The following ADAM10 variants were observed in gnomAD, a reference collection of about 807,000 sequenced individuals.
ADAM10 encodes the protein ADAM metallopeptidase domain 10, also known as disintegrin and metalloproteinase domain-containing protein 10.
A neutral mutation model predicts 90.1 loss-of-function variants in ADAM10; 17 were observed. The observed-to-expected ratio is 0.19, with a 90% CI of 0.13 to 0.28. The LOEUF is 0.28. ADAM10 is among the 10% of genes least tolerant of loss of function. ADAM10 has a pLI of 1.00. For synonymous variants in ADAM10, 310 were observed against 298.6 expected (o/e 1.04, Z -0.40); for missense variants, 610 against 914.3 (o/e 0.67, Z 4.29).
In ADAM10 at chr15:58,611,978, G is replaced by C; in HGVS notation, c.1525C>G (p.Pro509Ala). The C allele has an allele frequency of 1.2e-6, 2 of 1,614,044 alleles. No homozygotes were observed. Among genetic ancestry groups the C allele is most frequent in the Non-Finnish European group, 1.7e-6 (2 of 1,179,984 alleles). ...PGKQCSPSQGPCCTAQCAFKS... is the reference protein window; with the variant it reads ...PGKQCSPSQGACCTAQCAFKS... The stretch of plus-strand genomic sequence containing the variant: ...AATGCACACTGTGCTGTACAACAAG[G>C]ACCTTGACTTGGACTAGAGGAAACA... The change falls in exon 12 of 16, where the codon CCT (proline) becomes GCT (alanine). Residue 509 changes from proline to alanine, a missense_variant. Physicochemically the swap from Pro to Ala is conservative, Grantham distance 27. This residue lies in a region of ADAM10 where 53 missense variants were observed against 62.0 expected (regional missense o/e 0.85). Transcript: ENST00000260408.
chr15:58,733,210 G>GAGAAGTTGTGAC (rs1390249247), intron 1 of ADAM10: 2 of 152,242 alleles, frequency 1.3e-5, no homozygotes, highest in Non-Finnish European at 2.9e-5. Context: ...AGCTGACAGT[G>GAGAAGTTGTGAC]ACCTCTGAAT....
chr15:58,735,615 T>C (rs1467820901), intron 1 of ADAM10, among the ~76,000 whole-genome samples: 1 of 152,178 alleles, frequency 6.6e-6, no homozygotes, highest in South Asian at 2.1e-4. Flanking sequence ...TACTGTGTTG[T>C]GTAGGGAATA....
chr15:58,702,196 A>G lies in ADAM10; in HGVS notation c.206+15381T>C, dbSNP rs551492120. 5.9e-5 allele frequency among the ~76,000 whole-genome samples: 9 copies of G among 152,336 alleles called. No individual in the cohort carries two copies. The East Asian group carries it at 1.5e-3, about 26-fold the overall frequency. ...ATGTTGAGTGAACTAAGCCAAGCACAAAAAGACAAACATCCCATGTTCTCA... is the reference window on the plus strand; with the variant it reads ...ATGTTGAGTGAACTAAGCCAAGCACGAAAAGACAAACATCCCATGTTCTCA... On this transcript the variant is annotated intron_variant, in intron 2 of 15. Transcript: ENST00000260408.
At chr15:58,638,027 G>A (rs1896314405) in intron 8 of ADAM10, among the ~76,000 whole-genome samples, 1 of 152,108 alleles carries the variant, frequency 6.6e-6, no homozygotes, top group Non-Finnish European at 1.5e-5. Flanking sequence ...TTTCAAGGCA[G>A]GTAACCTACA....
At chr15:58,612,027 C>A in intron 11 of ADAM10, 36 bp from the exon 12 acceptor site, 1 of 1,583,096 alleles carries the variant, frequency 6.3e-7, no homozygotes, top group South Asian at 1.1e-5. Context: ...CAAAGTAAAT[C>A]ACTAGTTATT....
intron 8 of ADAM10, among the ~76,000 whole-genome samples, chr15:58,639,107 CACTT>C (rs1896348892): frequency 1.3e-5 from 2 of 152,132 alleles, no homozygotes; most frequent in Non-Finnish European, 2.9e-5. Context: ...ATCACATACT[CACTT>C]ACCCAGGAGG....
intron 1 of ADAM10, among the ~76,000 whole-genome samples, chr15:58,726,230 T>A (rs1411909841): frequency 6.6e-6 from 1 of 152,102 alleles, no homozygotes; most frequent in African/African-American, 2.4e-5. Context: ...TTATAGATAT[T>A]GTACACTGAA....
intron 1 of ADAM10, among the ~76,000 whole-genome samples, chr15:58,744,086 G>A (rs1216770518): frequency 1.3e-5 from 2 of 152,078 alleles, no homozygotes; most frequent in African/African-American, 4.8e-5. Context: ...TGCTGTACCT[G>A]CCTGGTTATT....
chr15:58,635,494 T>G (rs1444245059), intron 8 of ADAM10, among the ~76,000 whole-genome samples: 1 of 152,058 alleles, frequency 6.6e-6, no homozygotes, highest in Non-Finnish European at 1.5e-5. Flanking sequence ...TTTTCTACAC[T>G]GACAACTGAG....
intron 12 of ADAM10, 42 bp from the exon 13 acceptor site, chr15:58,611,149 G>T: frequency 7.0e-7 from 1 of 1,426,598 alleles, no homozygotes; most frequent in Non-Finnish European, 9.9e-7. Context: ...TCCCTATACA[G>T]TCAAACCTAT....
intron 2 of ADAM10, chr15:58,698,351 C>A: frequency 2.4e-6 from 1 of 424,988 alleles, no homozygotes; most frequent in Non-Finnish European, 4.6e-6. Context: ...GCAGGTGGAT[C>A]GTTTCAACCC....
At chr15:58,657,654 G>A (rs553586971) in intron 5 of ADAM10, among the ~76,000 whole-genome samples, 2 of 152,182 alleles carry the variant, frequency 1.3e-5, no homozygotes, top group Admixed American at 1.3e-4. Flanking sequence ...TTCTCTATCT[G>A]AAAGGTCACC....
At chr15:58,662,364 G>A (rs529044852) in intron 5 of ADAM10, among the ~76,000 whole-genome samples, 99 of 152,128 alleles carry the variant, frequency 6.5e-4, no homozygotes, top group African/African-American at 1.6e-3. Context: ...ACAGGGTCTC[G>A]CGCTGCTGCC....
chr15:58,676,130 T>G (rs1415764626), intron 4 of ADAM10: 1 of 327,512 alleles, frequency 3.1e-6, no homozygotes, highest in East Asian at 8.3e-5. Flanking sequence ...TGTATGATTT[T>G]AGAGAGGCTT....
intron 1 of ADAM10, among the ~76,000 whole-genome samples, chr15:58,727,118 C>A (rs1899056842): frequency 6.6e-6 from 1 of 150,602 alleles, no homozygotes; most frequent in South Asian, 2.1e-4. Context: ...GCAACCCAGT[C>A]ACCTTAGCCT....
At chr15:58,619,154 G>A (rs923393156) in intron 11 of ADAM10, among the ~76,000 whole-genome samples, 16 of 152,094 alleles carry the variant, frequency 1.1e-4, no homozygotes, top group African/African-American at 3.9e-4. Flanking sequence ...TGGTCACAAA[G>A]AAGAGCAAAA....
chr15:58,711,475 A>G (rs1436427524), intron 2 of ADAM10, among the ~76,000 whole-genome samples: 1 of 152,218 alleles, frequency 6.6e-6, no homozygotes, highest in Non-Finnish European at 1.5e-5. Flanking sequence ...TCAAGTCAGA[A>G]GGAAAGTCAA....
At chr15:58,661,836 G>T (rs1017127959) in intron 5 of ADAM10, among the ~76,000 whole-genome samples, 1 of 152,076 alleles carries the variant, frequency 6.6e-6, no homozygotes, top group African/African-American at 2.4e-5. Context: ...TTCATATTGA[G>T]TTCTGCAGTA....
intron 2 of ADAM10, among the ~76,000 whole-genome samples, chr15:58,705,768 A>G (rs1237662737): frequency 6.6e-6 from 1 of 152,186 alleles, no homozygotes; most frequent in Non-Finnish European, 1.5e-5. Context: ...TCTTACCCAC[A>G]TTGTTTCAGT....
Sources: allele counts gnomAD v4.1 joint callset (sites outside exome capture counted in the v4.1 genomes callset), GRCh38; gene constraint gnomAD v4.1.1; regional missense constraint gnomAD v4.1.1; transcripts MANE v1.5; gene names NCBI Gene and HGNC (gene_info 2026-07-23, HGNC 2026-07-21).